The following PLEKHD1 variants were observed in gnomAD, a reference collection of about 807,000 sequenced individuals.
PLEKHD1 encodes pleckstrin homology domain-containing family D member 1.
Under a neutral mutation model 69.2 loss-of-function variants are expected in PLEKHD1, and 51 were observed. That is an observed-to-expected ratio of 0.74 (90% CI 0.59 to 0.93). The LOEUF (loss-of-function observed/expected upper bound fraction) is 0.93. PLEKHD1 is among the 40% of genes least tolerant of loss of function. The pLI is 0.00. For missense variants in PLEKHD1, 584 were observed against 641.0 expected, an observed-to-expected ratio of 0.91 and a Z score of 0.96; for synonymous variants, 236 against 244.7, an observed-to-expected ratio of 0.96 and a Z score of 0.33.
upstream of PLEKHD1, among the ~76,000 whole-genome samples, chr14:69,482,657 T>C (rs1317137739): frequency 6.6e-6 from 1 of 152,200 alleles, no homozygotes; most frequent in Non-Finnish European, 1.5e-5. Context: ...CATGTTCCCT[T>C]GAAAAGTGCA....
At chr14:69,517,128 T>C (rs1318710929) in intron 6 of PLEKHD1, among the ~76,000 whole-genome samples, 1 of 92,168 alleles carries the variant, frequency 1.1e-5, no homozygotes, top group African/African-American at 4.4e-5. Flanking sequence ...GGTTCTAGAG[T>C]GGGGGCTGGG....
chr14:69,490,879 C>T (rs539456927), intron 1 of PLEKHD1, among the ~76,000 whole-genome samples: 3 of 152,232 alleles, frequency 2.0e-5, no homozygotes, highest in South Asian at 4.2e-4. Context: ...CCAGGAGGCT[C>T]GGAGAGGAGG....
At chr14:69,487,836 G>T (rs1175616899) in intron 1 of PLEKHD1, among the ~76,000 whole-genome samples, 1 of 152,176 alleles carries the variant, frequency 6.6e-6, no homozygotes, top group Admixed American at 6.5e-5. Flanking sequence ...AAAGAGGAAG[G>T]GGGTGGGAAA....
At chr14:69,522,168 C>A in intron 6 of PLEKHD1, 115 bp from the exon 7 acceptor site, 1 of 929,982 alleles carries the variant, frequency 1.1e-6, no homozygotes, top group Non-Finnish European at 1.6e-6. Context: ...TCTGGTGCAG[C>A]ACATGACCCA....
At chr14:69,499,263 A>T (rs1378134429) in intron 1 of PLEKHD1, among the ~76,000 whole-genome samples, 1 of 140,778 alleles carries the variant, frequency 7.1e-6, no homozygotes, top group Non-Finnish European at 1.6e-5. Context: ...ACACACACAC[A>T]CACTCACACC....
chr14:69,520,053 G>A (rs956927182), intron 6 of PLEKHD1, among the ~76,000 whole-genome samples: 7 of 151,198 alleles, frequency 4.6e-5, no homozygotes, highest in Non-Finnish European at 7.4e-5. Context: ...CGTAATCCCA[G>A]CTACTCGGGA....
chr14:69,489,652 A>G (rs1882732361), intron 1 of PLEKHD1, among the ~76,000 whole-genome samples: 1 of 151,644 alleles, frequency 6.6e-6, no homozygotes, highest in Admixed American at 6.6e-5. Context: ...TCTGCCAGTA[A>G]CCAGCTGCAT....
At chr14:69,503,902 A>T (rs1014283567) in intron 6 of PLEKHD1, among the ~76,000 whole-genome samples, 13 of 150,040 alleles carry the variant, frequency 8.7e-5, no homozygotes, top group Admixed American at 3.3e-4. Context: ...TCAGCGAAGC[A>T]CTGGGCCTTG....
At chr14:69,523,906 T>C (rs1295436143) in intron 7 of PLEKHD1, among the ~76,000 whole-genome samples, 1 of 152,240 alleles carries the variant, frequency 6.6e-6, no homozygotes, top group Non-Finnish European at 1.5e-5. Context: ...TAGCAAGTGC[T>C]GTCCAGAGAA....
intron 1 of PLEKHD1, 125 bp from the exon 2 acceptor site, chr14:69,499,981 TTGGTAAGGA>T (rs1344922709): frequency 1.1e-5 from 7 of 642,830 alleles, no homozygotes; most frequent in African/African-American, 9.2e-5. Context: ...GGAGCTTGAG[TTGGTAAGGA>T]TGGCTGAGCT....
In PLEKHD1 at chr14:69,528,512, C is replaced by A; in HGVS notation, c.*93C>A. 1 of 1,436,478 alleles carries A rather than the reference C, an allele frequency of 7.0e-7. No homozygotes were observed. The highest frequency in any genetic ancestry group is 9.3e-7 in the Non-Finnish European group (1 of 1,079,088). The allele number at this position is 1,436,478 out of a possible 1,614,324, so 89.0% of individuals were successfully genotyped here. On this transcript the variant is annotated 3_prime_UTR_variant, in exon 13 of 13. Coordinates refer to ENST00000322564, the MANE Select transcript of PLEKHD1 (RefSeq NM_001161498.2). The stretch of plus-strand genomic sequence containing the variant: ...GAGGCCTCACTCTACCAGCTCCTGG[C>A]CTCTCTGGTCTGGAGCCTATGTCTC...
At chr14:69,478,139 A>G in the PLEKHD1 span, among the ~76,000 whole-genome samples, 2 of 152,212 alleles carry the variant, frequency 1.3e-5, no homozygotes, top group Non-Finnish European at 2.9e-5. Context: ...GCTCAACACC[A>G]TGTGGAAGTT....
Position 69,530,614 on chromosome 14 carries a change from G to A in PLEKHD1, c.*2195G>A, listed in dbSNP as rs1341712130. On this transcript the variant is annotated 3_prime_UTR_variant, in exon 13 of 13. Transcript: ENST00000322564. ...GAAAGTGCTAGTCTTCGTTTGCTTT[G>A]TACTGCTGTAACAGAATACCTGAGA... 6.6e-6 allele frequency: 1 copy of A among 152,090 alleles called. No homozygotes were observed. Among genetic ancestry groups the A allele is most frequent in the African/African-American group, 2.4e-5 (1 of 41,412 alleles). 9.4% of individuals were successfully genotyped at this position (152,090 alleles called of 1,614,324 possible). A position where few individuals can be genotyped will look rare whatever the true frequency, so the allele number is the denominator to read the frequency against.
At chr14:69,500,021 T>C in intron 1 of PLEKHD1, 94 bp from the exon 2 acceptor site, 2 of 812,888 alleles carry the variant, frequency 2.5e-6, no homozygotes, top group Non-Finnish European at 2.0e-6. Context: ...TGGGCTCCCA[T>C]GTGAGTCCAG....
chr14:69,526,853 AG>A (rs1290000268), intron 10 of PLEKHD1, 24 bp downstream of exon 10: 4 of 1,510,834 alleles, frequency 2.6e-6, no homozygotes, highest in Non-Finnish European at 3.5e-6. Context: ...TGCTGGTGCC[AG>A]GGCCCTTCCC....
At position 69,516,754 on chromosome 14, in the gene PLEKHD1, C is replaced by T. The variant is rs182473930; in HGVS notation, c.556-5529C>T. On this transcript the variant is annotated intron_variant, in intron 6 of 12. Transcript: ENST00000322564. Reference sequence around the variant, plus strand: ...ACACGATCTCAGCTCACTGCAGCCTCGACCTCCTGGGCTCAAGTGATCCTC... The same window carrying T: ...ACACGATCTCAGCTCACTGCAGCCTTGACCTCCTGGGCTCAAGTGATCCTC... Among the ~76,000 whole-genome samples the T allele has an allele frequency of 2.0e-5, 3 of 152,218 alleles. No individual in the cohort carries two copies. In the East Asian group the frequency reaches 5.8e-4, roughly 29 times the overall value.
the PLEKHD1 span, among the ~76,000 whole-genome samples, chr14:69,469,732 T>A: frequency 6.6e-6 from 1 of 152,094 alleles, no homozygotes; most frequent in East Asian, 1.9e-4. Context: ...CTTTTTAGTT[T>A]TTTTTTTGAG....
chr14:69,485,393 C>G (rs1007836469), intron 1 of PLEKHD1, among the ~76,000 whole-genome samples: 20 of 152,158 alleles, frequency 1.3e-4, no homozygotes, highest in African/African-American at 4.6e-4. Flanking sequence ...AGACCGTGGT[C>G]GGGGTGGGAT....
intron 8 of PLEKHD1, among the ~76,000 whole-genome samples, chr14:69,525,012 C>T (rs908326252): frequency 6.6e-6 from 1 of 152,156 alleles, no homozygotes; most frequent in African/African-American, 2.4e-5. Context: ...TCCACCTTTT[C>T]TCTGCTTGGA....
Sources: gnomAD v4.1 joint callset for allele counts (sites outside exome capture counted in the v4.1 genomes callset) on GRCh38, gnomAD v4.1.1 for gene constraint, MANE v1.5 for transcripts, NCBI Gene and HGNC (gene_info 2026-07-23, HGNC 2026-07-21) for gene names.